Variants in CRISP3 observed in about 807,000 individuals in gnomAD.
The protein encoded by CRISP3 is cysteine-rich secretory protein 3.
Under a neutral mutation model 36.1 loss-of-function variants are expected in CRISP3, and 33 were observed. The ratio of observed to expected loss-of-function variants is 0.91; its 90% CI spans 0.69 to 1.22. The LOEUF (loss-of-function observed/expected upper bound fraction) is 1.22, where lower values mean the gene tolerates loss of function less well. Among genes scored for constraint, CRISP3 ranks in the 50% most tolerant of loss-of-function variants. The probability of loss-of-function intolerance (pLI) is 0.00; values close to 1 mark genes in which losing one functional copy is unlikely to be tolerated. For missense variants in CRISP3, 330 were observed against 301.2 expected, an observed-to-expected ratio of 1.10 and a Z score of -0.71; for synonymous variants, 117 against 104.6, an observed-to-expected ratio of 1.12 and a Z score of -0.72.
intron 1 of CRISP3, among the ~76,000 whole-genome samples, chr6:49,741,619 T>G (rs1268873333): frequency 7.5e-5 from 11 of 147,398 alleles, no homozygotes; most frequent in African/African-American, 2.7e-4. Context: ...TAGTTTTTTT[T>G]TTTTTTTTTT....
At chr6:49,737,935 A>T (rs1322432952) in intron 1 of CRISP3, among the ~76,000 whole-genome samples, 1 of 152,194 alleles carries the variant, frequency 6.6e-6, no homozygotes. Context: ...AACCCTAGAA[A>T]GTCCTCTACG....
At chr6:49,735,630 T>A in intron 3 of CRISP3, 39 bp from the exon 4 acceptor site, 1 of 1,478,978 alleles carries the variant, frequency 6.8e-7, no homozygotes. Context: ...ACTTAATGTC[T>A]CAAACCTCAA....
At chr6:49,732,254 C>A (rs1352110633) in intron 6 of CRISP3, among the ~76,000 whole-genome samples, 1 of 152,124 alleles carries the variant, frequency 6.6e-6, no homozygotes, top group Admixed American at 6.5e-5. Flanking sequence ...GGCAGTCTCC[C>A]AGGGTCTTTC....
rs1469953544 is a variant in CRISP3 at position 49,728,773 on chromosome 6, T to A, written c.734A>T (p.Asp245Val). The A allele has an allele frequency of 6.2e-7, 1 of 1,612,608 alleles. No individual in the cohort carries two copies. The highest frequency in any genetic ancestry group is 2.2e-5 in the East Asian group (1 of 44,812). ...ACAATTGCAGGAGGCCTTGCAACTG[T>A]CCCTGACCAACTGATGTTTACAGGT... ...TLTCKHQLVR[D>V]SCKASCNCSN... Residue 245 changes from aspartate to valine, a missense_variant, in exon 8 of 8, where the codon GAC becomes GTC. Physicochemically the swap from Asp to Val is radical, Grantham distance 152. Coordinates refer to ENST00000263045, the MANE Select transcript of CRISP3 (RefSeq NM_006061.4).
At position 49,744,380 on chromosome 6, in the gene CRISP3, G is replaced by T; in HGVS notation, c.-13C>A. The T allele has an allele frequency of 6.5e-7, 1 of 1,532,636 alleles. No homozygotes were observed. The highest frequency in any genetic ancestry group is 1.4e-5 in the African/African-American group (1 of 72,990). The allele number at this position is 1,532,636 out of a possible 1,614,324, so 94.9% of individuals were successfully genotyped here. A position where few individuals can be genotyped will look rare whatever the true frequency, so the allele number is the denominator to read the frequency against. On this transcript the variant is annotated 5_prime_UTR_variant, in exon 1 of 8. Coordinates refer to ENST00000263045, the MANE Select transcript of CRISP3 (RefSeq NM_006061.4). ...GTATTTGTTTCATCTATTGACAGAA[G>T]GAAGGTGCAGAGAGAGAAGGTTAGA...
intron 5 of CRISP3, 92 bp downstream of exon 5, chr6:49,733,611 C>A: frequency 7.5e-7 from 1 of 1,337,490 alleles, no homozygotes; most frequent in Non-Finnish European, 1.0e-6. Flanking sequence ...TGAAATTTTC[C>A]CCAAATTCAA....
rs536854272 is a variant in CRISP3 at position 49,733,620 on chromosome 6, A to T, written c.462+83T>A. The T allele has an allele frequency of 1.6e-5, 22 of 1,406,320 alleles. No homozygotes were observed. In the African/African-American group the frequency reaches 3.0e-4, roughly 19 times the overall value. The allele number at this position is 1,406,320 out of a possible 1,614,324, so 87.1% of individuals were successfully genotyped here. A position where few individuals can be genotyped will look rare whatever the true frequency, so the allele number is the denominator to read the frequency against. On this transcript the variant is annotated intron_variant, in intron 5 of 7. Transcript: ENST00000263045. Reference sequence around the variant, plus strand: ...TTCACTTGAAATTTTCCCCAAATTCAACTTGGAATCAGTCAAAATTTGAAG... The same window carrying T: ...TTCACTTGAAATTTTCCCCAAATTCTACTTGGAATCAGTCAAAATTTGAAG...
At position 49,731,173 on chromosome 6, in the gene CRISP3, A is replaced by G. The variant is rs144369786; in HGVS notation, c.639T>C (p.Asp213=). The G allele has an allele frequency of 7.4e-4, 1,186 of 1,605,332 alleles. No individual in the cohort carries two copies. Among genetic ancestry groups the G allele is most frequent in the Non-Finnish European group, 9.7e-4 (1,140 of 1,173,866 alleles). The change falls in exon 7 of 8, where the codon GAT becomes GAC. Residue 213 remains aspartate, a synonymous_variant. Coordinates refer to ENST00000263045, the MANE Select transcript of CRISP3 (RefSeq NM_006061.4). ...PCASCPDNCD[D]GLCTNGCKYE... is the part of the protein sequence containing the mutation. ...TCACTTCAAACTTACTGCATAGTCCATCGTCACAGTTATCTGGGCAACTGG... is the reference window on the plus strand; with the variant it reads ...TCACTTCAAACTTACTGCATAGTCCGTCGTCACAGTTATCTGGGCAACTGG...
intron 6 of CRISP3, among the ~76,000 whole-genome samples, chr6:49,732,972 A>G (rs906413126): frequency 1.3e-5 from 2 of 152,180 alleles, no homozygotes; most frequent in African/African-American, 4.8e-5. Context: ...GAGACAAATT[A>G]TTTTAGGCAT....
rs750037143 is a variant in CRISP3 at position 49,733,692 on chromosome 6, C to A, written c.462+11G>T. On this transcript the variant is annotated intron_variant, in intron 5 of 7. Coordinates refer to ENST00000263045, the MANE Select transcript of CRISP3 (RefSeq NM_006061.4). ...TTATAAAGGAGATGGTTTTTCATTT[C>A]TTCTCCTTACCTGTGTATAATGTCC... The A allele has an allele frequency of 1.9e-6, 3 of 1,589,800 alleles. No individual in the cohort carries two copies. Among genetic ancestry groups the A allele is most frequent in the Non-Finnish European group, 2.6e-6 (3 of 1,168,030 alleles).
At position 49,736,355 on chromosome 6, in the gene CRISP3, G is replaced by T. The variant is rs373111407; in HGVS notation, c.228+36C>A. The T allele has an allele frequency of 2.2e-6, 3 of 1,385,472 alleles. No individual in the cohort carries two copies. The African/African-American group carries it at 4.3e-5, about 20-fold the overall frequency. The allele number at this position is 1,385,472 out of a possible 1,614,324, so 85.8% of individuals were successfully genotyped here. ...CAGCCGCCTACTCCTTCCACAGCTT[G>T]TTCACACCCCTCTCCTTTGCAATAT... is the stretch of plus-strand genomic sequence containing the variant. On this transcript the variant is annotated intron_variant, in intron 3 of 7. Coordinates refer to ENST00000263045, the MANE Select transcript of CRISP3 (RefSeq NM_006061.4).
At chr6:49,743,738 A>T (rs1417097543) in intron 1 of CRISP3, among the ~76,000 whole-genome samples, 1 of 152,112 alleles carries the variant, frequency 6.6e-6, no homozygotes, top group Non-Finnish European at 1.5e-5. Context: ...CTACATAAAC[A>T]TGACTGAGTA....
intron 1 of CRISP3, among the ~76,000 whole-genome samples, chr6:49,742,813 C>T (rs1024609249): frequency 6.9e-6 from 1 of 143,928 alleles, no homozygotes; most frequent in African/African-American, 3.0e-5. Flanking sequence ...AAGAGACAGA[C>T]CAAACATCGT....
Position 49,733,165 on chromosome 6 carries a change from T to C in CRISP3, c.560+30A>G, listed in dbSNP as rs555055276. The C allele has an allele frequency of 4.0e-5, 50 of 1,252,976 alleles. No individual in the cohort carries two copies. The Middle Eastern group carries it at 1.4e-3, about 34-fold the overall frequency. 77.6% of individuals were successfully genotyped at this position (1,252,976 alleles called of 1,614,324 possible). A position where few individuals can be genotyped will look rare whatever the true frequency, so the allele number is the denominator to read the frequency against. On this transcript the variant is annotated intron_variant, in intron 6 of 7. Transcript: ENST00000263045. ...AAATGTTAAATTGTATTTAGCATTA[T>C]TGACAATAAACGCTAAAATATATAC...
rs377483373 is a variant in CRISP3, at chr6:49,733,268, C to A, written c.487G>T (p.Val163Phe). The A allele has an allele frequency of 1.2e-6, 2 of 1,610,498 alleles. No homozygotes were observed. Among genetic ancestry groups the A allele is most frequent in the South Asian group, 2.2e-5 (2 of 90,524 alleles). ...TQVVWYSSYL[V>F]GCGNAYCPNQ... ...GGACAGTAGGCATTTCCACATCCAACGAGGTATGAAGAGTACCAAACAACC... is the reference window on the plus strand; with the variant it reads ...GGACAGTAGGCATTTCCACATCCAAAGAGGTATGAAGAGTACCAAACAACC... Residue 163 changes from valine to phenylalanine, a missense_variant, in exon 6 of 8, where the codon GTT becomes TTT. Val to Phe is a conservative substitution (Grantham distance 50). Transcript: ENST00000263045.
Position 49,728,661 on chromosome 6 carries a change from G to C in CRISP3, c.*69C>G. 1.5e-6 allele frequency: 2 copies of C among 1,354,530 alleles called. No individual in the cohort carries two copies. The highest frequency in any genetic ancestry group is 2.0e-6 in the Non-Finnish European group (2 of 1,019,464). 83.9% of individuals were successfully genotyped at this position (1,354,530 alleles called of 1,614,324 possible). On this transcript the variant is annotated 3_prime_UTR_variant, in exon 8 of 8. Transcript: ENST00000263045. ...CTCAGCTAGTATATGTTAAATCTAAGTAGATGCCAAATCTAAGTAGATAAT... is the reference window on the plus strand; with the variant it reads ...CTCAGCTAGTATATGTTAAATCTAACTAGATGCCAAATCTAAGTAGATAAT...
chr6:49,730,111 A>G (rs948724727), intron 7 of CRISP3, among the ~76,000 whole-genome samples: 2 of 152,240 alleles, frequency 1.3e-5, no homozygotes, highest in East Asian at 1.9e-4. Context: ...AGGTGAATGC[A>G]TTTGAAAGGT....
At position 49,728,857 on chromosome 6, in the gene CRISP3, G is replaced by A; in HGVS notation, c.650C>T (p.Thr217Ile). 1 of 1,601,832 alleles carries A rather than the reference G, an allele frequency of 6.2e-7. No homozygotes were observed. The highest frequency in any genetic ancestry group is 8.5e-7 in the Non-Finnish European group (1 of 1,174,526). Reference sequence around the variant, plus strand: ...GAGATCTTCGTACTTGCAACCATTGGCTGGAATAAAAACAAAGAAATTAGT... The same window carrying A: ...GAGATCTTCGTACTTGCAACCATTGACTGGAATAAAAACAAAGAAATTAGT... ...CPDNCDDGLC[T>I]NGCKYEDLYS... Residue 217 changes from threonine (T) to isoleucine (I), a missense_variant and splice_region_variant, in exon 8 of 8, where the codon ACC becomes ATC. By Grantham distance (89) the Thr-to-Ile change is moderately conservative. Coordinates refer to ENST00000263045, the MANE Select transcript of CRISP3 (RefSeq NM_006061.4).
chr6:49,733,098 CCTT>C (rs1419689480), intron 6 of CRISP3, 94 bp downstream of exon 6: 2 of 643,558 alleles, frequency 3.1e-6, no homozygotes, highest in African/African-American at 1.9e-5. Flanking sequence ...AGATTAATCT[CCTT>C]CACCTTTACT....
Sources: allele counts gnomAD v4.1 joint callset (sites outside exome capture counted in the v4.1 genomes callset), GRCh38; gene constraint gnomAD v4.1.1; transcripts MANE v1.5; gene names NCBI Gene and HGNC (gene_info 2026-07-23, HGNC 2026-07-21).